ZNF43: variants seen among roughly 807,000 people sequenced by gnomAD.
The protein encoded by ZNF43 is zinc finger protein 43.
In ZNF43, 44 loss-of-function variants were observed where a neutral mutation model predicts 68.4. The observed-to-expected ratio is 0.64, with a 90% CI of 0.51 to 0.83. ZNF43 has a LOEUF of 0.83. Ranked by LOEUF, ZNF43 falls within the 40% of genes least tolerant of loss-of-function variation. The probability of loss-of-function intolerance (pLI) is 0.00; values close to 1 mark genes in which losing one functional copy is unlikely to be tolerated. For missense variants in ZNF43, 896 were observed against 933.2 expected, an observed-to-expected ratio of 0.96 and a Z score of 0.52; for synonymous variants, 308 against 307.8, an observed-to-expected ratio of 1.00 and a Z score of -0.01.
chr19:21,829,314 A>G (rs1187088670), intron 1 of ZNF43, among the ~76,000 whole-genome samples: 1 of 152,162 alleles, frequency 6.6e-6, no homozygotes, highest in Non-Finnish European at 1.5e-5. Flanking sequence ...TTGCTTTTGC[A>G]GTGTAAGTAC....
At chr19:21,847,772 G>C (rs1968063977) in intron 1 of ZNF43, among the ~76,000 whole-genome samples, 1 of 152,154 alleles carries the variant, frequency 6.6e-6, no homozygotes, top group Non-Finnish European at 1.5e-5. Flanking sequence ...CATGTAGGCA[G>C]GGTCCAGAGA....
At chr19:21,832,499 G>A (rs1282200463) in intron 1 of ZNF43, among the ~76,000 whole-genome samples, 2 of 152,128 alleles carry the variant, frequency 1.3e-5, no homozygotes, top group Non-Finnish European at 2.9e-5. Context: ...GATACCAAAA[G>A]CAATTGCAAC....
chr19:21,844,914 AAAAAAAAAT>A (rs1396538945), intron 1 of ZNF43, among the ~76,000 whole-genome samples: 3 of 112,976 alleles, frequency 2.7e-5, no homozygotes, highest in African/African-American at 1.2e-4. Context: ...AAAAAAAAAA[AAAAAAAAAT>A]ATATATATAT....
chr19:21,825,725 T>C (rs191666838), intron 1 of ZNF43, among the ~76,000 whole-genome samples: 114 of 152,220 alleles, frequency 7.5e-4, no homozygotes, highest in Middle Eastern at 3.4e-3. Context: ...GGTCTGTGAA[T>C]CACTTTCAGG....
rs2037105335 is a variant in ZNF43, at chr19:21,808,731, T to A, written c.1306A>T (p.Asn436Tyr). The A allele has an allele frequency of 3.1e-6, 5 of 1,612,834 alleles. No homozygotes were observed. The East Asian group carries it at 1.1e-4, about 36-fold the overall frequency. The change falls in exon 4 of 4, where the codon AAC (asparagine) becomes TAC (tyrosine). Residue 436 changes from asparagine (N) to tyrosine (Y), a missense_variant. By Grantham distance (143) the Asn-to-Tyr change is moderately radical. Coordinates refer to ENST00000354959, the MANE Select transcript of ZNF43 (RefSeq NM_003423.4). ...TGTTTAGTAAGGGTTGAGGGCCAGTTAAAGGCTTTGCCACATTCTTCACAT... is the reference window on the plus strand; with the variant it reads ...TGTTTAGTAAGGGTTGAGGGCCAGTAAAAGGCTTTGCCACATTCTTCACAT... ...YKCEECGKAF[N>Y]WPSTLTKHNR...
chr19:21,834,957 AT>A (rs1163472882), intron 1 of ZNF43, among the ~76,000 whole-genome samples: 4 of 150,484 alleles, frequency 2.7e-5, no homozygotes, highest in Middle Eastern at 3.4e-3. Context: ...AAAAAAAAAA[AT>A]AGCCCGGCTC....
At chr19:21,830,187 G>T (rs1009387154) in intron 1 of ZNF43, among the ~76,000 whole-genome samples, 2 of 151,712 alleles carry the variant, frequency 1.3e-5, no homozygotes, top group Non-Finnish European at 2.9e-5. Context: ...GGAGGCGGAG[G>T]TTGCAGTGAG....
upstream of ZNF43, chr19:21,836,253 C>T: frequency 7.2e-7 from 1 of 1,386,180 alleles, no homozygotes; most frequent in Non-Finnish European, 9.4e-7. Flanking sequence ...GGTTTCCAGC[C>T]CAGCGTCCCT....
chr19:21,818,106 ATT>A (rs915159999), intron 2 of ZNF43, 120 bp from the exon 3 acceptor site: 1,189 of 858,712 alleles, frequency 1.4e-3, no homozygotes, highest in South Asian at 2.6e-3. Flanking sequence ...CAAAATACTA[ATT>A]TTTTTTTTTT....
intron 1 of ZNF43, among the ~76,000 whole-genome samples, chr19:21,821,947 T>C (rs1457476466): frequency 6.6e-6 from 1 of 152,170 alleles, no homozygotes; most frequent in Non-Finnish European, 1.5e-5. Context: ...TCTCTGGGAA[T>C]CCTTTCCAGA....
Position 21,819,183 on chromosome 19 carries a change from A to G in ZNF43, c.42T>C (p.Cys14=), listed in dbSNP as rs201537944. The change falls in exon 2 of 4, where the codon TGT becomes TGC. Residue 14 remains cysteine (C), a synonymous_variant. Transcript: ENST00000354959. Reference sequence around the variant, plus strand: ...TGTCCAGGCATTGCCACTCCTCCAGACAGAATTCTATGGCCACATCCATAA... The same window carrying G: ...TGTCCAGGCATTGCCACTCCTCCAGGCAGAATTCTATGGCCACATCCATAA... ...LTFMDVAIEF[C]LEEWQCLDIA... 1 of 1,607,200 alleles carries G rather than the reference A, an allele frequency of 6.2e-7. No individual in the cohort carries two copies. The highest frequency in any genetic ancestry group is 2.2e-5 in the East Asian group (1 of 44,760).
chr19:21,851,740 A>T (rs996019258), intron 1 of ZNF43, among the ~76,000 whole-genome samples: 3 of 151,962 alleles, frequency 2.0e-5, no homozygotes, highest in African/African-American at 7.2e-5. Flanking sequence ...ATGGGGCGGG[A>T]CGCGGGAGGC....
Position 21,817,899 on chromosome 19 carries a change from G to T in ZNF43, c.218C>A (p.Ala73Asp), listed in dbSNP as rs752240409. The T allele has an allele frequency of 1.2e-5, 19 of 1,612,626 alleles. No homozygotes were observed. In the Admixed American group the frequency reaches 1.8e-4, roughly 16 times the overall value. ...TCACTCTCACCTACCTGGGGGTTTG[G>T]CTACCATTTCATGTCTCCTCATAGG... is the stretch of plus-strand genomic sequence containing the variant. ...WEPMRRHEMV[A>D]KPPVMCSHFT... The change falls in exon 3 of 4, where the codon GCC becomes GAC. Residue 73 changes from alanine (A) to aspartate (D), a missense_variant. Coordinates refer to ENST00000354959, the MANE Select transcript of ZNF43 (RefSeq NM_003423.4).
intron 1 of ZNF43, chr19:21,826,919 C>G (rs1402550685): frequency 6.6e-6 from 1 of 152,072 alleles, no homozygotes; most frequent in Non-Finnish European, 1.5e-5. Flanking sequence ...TCACAGGCAC[C>G]ATGGGACACT....
At chr19:21,843,798 A>G (rs1461556366) in intron 1 of ZNF43, among the ~76,000 whole-genome samples, 1 of 152,158 alleles carries the variant, frequency 6.6e-6, no homozygotes, top group Non-Finnish European at 1.5e-5. Flanking sequence ...TAAAAAAATA[A>G]AACAGCCTCA....
At position 21,805,608 on chromosome 19, in the gene ZNF43, C is replaced by T. The variant is rs1454359352; in HGVS notation, c.*1999G>A. 2 of 151,176 alleles carry T rather than the reference C, an allele frequency of 1.3e-5. No homozygotes were observed. The highest frequency in any genetic ancestry group is 2.9e-5 in the Non-Finnish European group (2 of 67,888). The allele number at this position is 151,176 out of a possible 1,614,324, so 9.4% of individuals were successfully genotyped here. On this transcript the variant is annotated 3_prime_UTR_variant, in exon 4 of 4. Coordinates refer to ENST00000354959, the MANE Select transcript of ZNF43 (RefSeq NM_003423.4). ...CACTCCAGCCTGGGCGAGAGCAAGA[C>T]TCTGTCTCAAAAAAAAAAACCAAAC...
upstream of ZNF43, among the ~76,000 whole-genome samples, chr19:21,836,803 A>T (rs1227582823): frequency 1.3e-5 from 2 of 152,170 alleles, no homozygotes; most frequent in Admixed American, 1.3e-4. Context: ...GATAGCCCAG[A>T]ATGGTCTCAA....
intron 3 of ZNF43, among the ~76,000 whole-genome samples, chr19:21,817,058 A>G (rs759990150): frequency 1.2e-4 from 18 of 152,186 alleles, no homozygotes; most frequent in African/African-American, 2.9e-4. Flanking sequence ...CTGGCCAAAC[A>G]TGGCGAAACC....
At chr19:21,826,604 G>A (rs1342039823) in intron 1 of ZNF43, 2 of 152,196 alleles carry the variant, frequency 1.3e-5, no homozygotes, top group African/African-American at 4.8e-5. Context: ...CTTTGGGAAG[G>A]AGGCAGGCAG....
Sources: allele counts gnomAD v4.1 joint callset (sites outside exome capture counted in the v4.1 genomes callset), GRCh38; gene constraint gnomAD v4.1.1; transcripts MANE v1.5; gene names NCBI Gene and HGNC (gene_info 2026-07-23, HGNC 2026-07-21).